Variants in CCNT1 observed in about 807,000 individuals in gnomAD.
CCNT1 encodes cyclin T1.
Under a neutral mutation model 67.3 loss-of-function variants are expected in CCNT1, and 18 were observed. The ratio of observed to expected loss-of-function variants is 0.27; its 90% CI spans 0.18 to 0.40. The LOEUF is 0.40. CCNT1 is among the 10% of genes least tolerant of loss of function. CCNT1 has a pLI of 1.00. For missense variants in CCNT1, 744 were observed against 884.9 expected (o/e 0.84, Z 2.02); for synonymous variants, 333 against 310.3 (o/e 1.07, Z -0.77).
At chr12:48,704,424 A>T (rs1003279745) in intron 3 of CCNT1, among the ~76,000 whole-genome samples, 32 of 152,156 alleles carry the variant, frequency 2.1e-4, no homozygotes, top group Admixed American at 7.2e-4. Context: ...CATGCAAGGG[A>T]TCTAATTTGC....
In CCNT1 at chr12:48,692,871, T is replaced by C. The variant is rs2137220740; in HGVS notation, c.*162A>G. The C allele has an allele frequency of 5.1e-6, 3 of 586,026 alleles. No homozygotes were observed. Among genetic ancestry groups the C allele is most frequent in the East Asian group, 5.6e-5 (2 of 36,000 alleles). 36.3% of individuals were successfully genotyped at this position (586,026 alleles called of 1,614,324 possible). On this transcript the variant is annotated 3_prime_UTR_variant, in exon 9 of 9. Transcript: ENST00000261900. Reference sequence around the variant, plus strand: ...TTAAATGCATGAGACAGCAGATATATAGCCAAGGCCTTCTACCACCCTCCT... The same window carrying C: ...TTAAATGCATGAGACAGCAGATATACAGCCAAGGCCTTCTACCACCCTCCT...
Position 48,714,392 on chromosome 12 carries a change from A to G in CCNT1, c.243+51T>C, listed in dbSNP as rs752021539. The G allele has an allele frequency of 5.4e-6, 6 of 1,108,570 alleles. No individual in the cohort carries two copies. The Admixed American group carries it at 1.0e-4, about 19-fold the overall frequency. 68.7% of individuals were successfully genotyped at this position (1,108,570 alleles called of 1,614,324 possible). ...AAGACCAACCACAAATGGAATAGGT[A>G]GGTGGAATCAATCACAAAAGGATTA... On this transcript the variant is annotated intron_variant, in intron 2 of 8. Coordinates refer to ENST00000261900, the MANE Select transcript of CCNT1 (RefSeq NM_001240.4).
chr12:48,701,175 A>C, intron 3 of CCNT1, 102 bp from the exon 4 acceptor site: 4 of 491,926 alleles, frequency 8.1e-6, no homozygotes, highest in Non-Finnish European at 3.8e-6. Context: ...AATAAAAGGC[A>C]TGAGTGGAGT....
chr12:48,698,065 A>C (rs1940205975), intron 6 of CCNT1, 73 bp downstream of exon 6: 3 of 931,376 alleles, frequency 3.2e-6, no homozygotes, highest in Non-Finnish European at 3.3e-6. Context: ...AGAATTATCT[A>C]TAGCACACTG....
In CCNT1 at chr12:48,688,993, G is replaced by C. The variant is rs1432319618; in HGVS notation, c.*4040C>G. The C allele has an allele frequency of 6.6e-6, 1 of 152,108 alleles. No individual in the cohort carries two copies. The highest frequency in any genetic ancestry group is 1.9e-4 in the East Asian group (1 of 5,190). The allele number at this position is 152,108 out of a possible 1,614,324, so 9.4% of individuals were successfully genotyped here. On this transcript the variant is annotated 3_prime_UTR_variant, in exon 9 of 9. Transcript: ENST00000261900. The stretch of plus-strand genomic sequence containing the variant: ...TCCACTTTGTAACCAATTATATTAT[G>C]ATCAACAACTAATCAGTTAGTTCCT...
chr12:48,704,831 C>T (rs972079997), intron 3 of CCNT1, among the ~76,000 whole-genome samples: 1 of 152,104 alleles, frequency 6.6e-6, no homozygotes, highest in Non-Finnish European at 1.5e-5. Context: ...ATGCTCAGGG[C>T]TCCCACTGAT....
chr12:48,697,526 A>C lies in CCNT1; in HGVS notation c.542+612T>G, dbSNP rs963679313. Among the ~76,000 whole-genome samples the C allele has an allele frequency of 3.9e-4, 45 of 116,844 alleles. No individual in the cohort carries two copies. In the East Asian group the frequency reaches 0.014, roughly 37 times the overall value. 76.7% of individuals were successfully genotyped at this position (116,844 alleles called of 152,430 possible). On this transcript the variant is annotated intron_variant, in intron 6 of 8. Transcript: ENST00000261900. ...AGACAGAGTGAGACTCTGTCTTAAA[A>C]AAAAAAAAATATATATATATATATA...
chr12:48,705,850 T>C lies in CCNT1; in HGVS notation c.290A>G (p.Gln97Arg). 6.2e-7 allele frequency: 1 copy of C among 1,613,942 alleles called. No individual in the cohort carries two copies. The highest frequency in any genetic ancestry group is 8.5e-7 in the Non-Finnish European group (1 of 1,179,904). ...ALFLAAKVEE[Q>R]PKKLEHVIKV... The stretch of plus-strand genomic sequence containing the variant: ...GATGACATGTTCCAATTTTTTGGGC[T>C]GCTCCTCCACTTTAGCTGCTAGAAA... Residue 97 changes from glutamine to arginine, a missense_variant, in exon 3 of 9, where the codon CAG becomes CGG. Around this residue, in one of 3 missense-constraint regions of CCNT1, gnomAD observed 142 missense variants for 277.0 expected, o/e 0.51. Transcript: ENST00000261900.
At position 48,692,995 on chromosome 12, in the gene CCNT1, T is replaced by C. The variant is rs770501985; in HGVS notation, c.*38A>G. On this transcript the variant is annotated 3_prime_UTR_variant, in exon 9 of 9. Transcript: ENST00000261900. Reference sequence around the variant, plus strand: ...AAAAAAAAAGAAAAATTATGTGTTTTTTTAAAGAAGTTTTTTTCTCCTCTT... The same window carrying C: ...AAAAAAAAAGAAAAATTATGTGTTTCTTTAAAGAAGTTTTTTTCTCCTCTT... 7.3e-7 allele frequency: 1 copy of C among 1,365,808 alleles called. No individual in the cohort carries two copies. The highest frequency in any genetic ancestry group is 9.9e-7 in the Non-Finnish European group (1 of 1,012,464). The allele number at this position is 1,365,808 out of a possible 1,614,324, so 84.6% of individuals were successfully genotyped here. A position where few individuals can be genotyped will look rare whatever the true frequency, so the allele number is the denominator to read the frequency against.
In CCNT1 at chr12:48,691,574, T is replaced by C. The variant is rs1313610258; in HGVS notation, c.*1459A>G. On this transcript the variant is annotated 3_prime_UTR_variant, in exon 9 of 9. Transcript: ENST00000261900. The stretch of plus-strand genomic sequence containing the variant: ...ATTTATTAAAAATGTTCACTCCTAA[T>C]ATCTGGGATAATCAAGCCTCCATAA... 1 of 152,244 alleles carries C rather than the reference T, an allele frequency of 6.6e-6. No individual in the cohort carries two copies. The highest frequency in any genetic ancestry group is 1.5e-5 in the Non-Finnish European group (1 of 68,046). The allele number at this position is 152,244 out of a possible 1,614,324, so 9.4% of individuals were successfully genotyped here. A position where few individuals can be genotyped will look rare whatever the true frequency, so the allele number is the denominator to read the frequency against.
chr12:48,695,621 G>A, intron 8 of CCNT1, 138 bp downstream of exon 8: 1 of 630,294 alleles, frequency 1.6e-6, no homozygotes, highest in South Asian at 2.0e-5. Context: ...TCCAAGGTAT[G>A]AAGTAGAAGT....
Position 48,696,119 on chromosome 12 carries a change from C to A in CCNT1, c.586G>T (p.Val196Leu). 1 of 1,613,694 alleles carries A rather than the reference C, an allele frequency of 6.2e-7. No individual in the cohort carries two copies. The highest frequency in any genetic ancestry group is 8.5e-7 in the Non-Finnish European group (1 of 1,179,876). ...GCCAGGTGAATGCAGACACAGGCCA[C>A]CACAGGAGGTGTGTACTGCAGGCTA... ...TFSLQYTPPV[V>L]ACVCIHLACK... Residue 196 changes from valine to leucine, a missense_variant, in exon 7 of 9, where the codon GTG becomes TTG. Transcript: ENST00000261900.
intron 4 of CCNT1, among the ~76,000 whole-genome samples, chr12:48,700,519 T>C (rs1044244589): frequency 6.6e-6 from 1 of 152,068 alleles, no homozygotes. Context: ...AATCTGTATT[T>C]TCATATTTTC....
In CCNT1 at chr12:48,694,324, G is replaced by A; in HGVS notation, c.890C>T (p.Ala297Val). ...AGAAGTTGACATGCTCATTAAACCT[G>A]CAATGGTTGTGTCTGAAGAGCTCTG... Reference protein sequence around the residue: ...ISQSSSDTTIAGLMSMSTSTT... With the variant: ...ISQSSSDTTIVGLMSMSTSTT... The change falls in exon 9 of 9, where the codon GCA becomes GTA. Residue 297 changes from alanine to valine, a missense_variant. Coordinates refer to ENST00000261900, the MANE Select transcript of CCNT1 (RefSeq NM_001240.4). The A allele has an allele frequency of 6.2e-7, 1 of 1,614,128 alleles. No homozygotes were observed. Among genetic ancestry groups the A allele is most frequent in the Non-Finnish European group, 8.5e-7 (1 of 1,179,970 alleles).
At chr12:48,710,226 A>G (rs545771352) in intron 2 of CCNT1, among the ~76,000 whole-genome samples, 2 of 152,250 alleles carry the variant, frequency 1.3e-5, no homozygotes, top group East Asian at 3.9e-4. Context: ...ACACACACAC[A>G]CATACAAAAA....
At position 48,688,809 on chromosome 12, in the gene CCNT1, A is replaced by AT. The variant is rs1940027382; in HGVS notation, c.*4223_*4224insA. The AT allele has an allele frequency of 7.3e-6, 1 of 136,316 alleles. No individual in the cohort carries two copies. The highest frequency in any genetic ancestry group is 8.2e-5 in the Admixed American group (1 of 12,162). The allele number at this position is 136,316 out of a possible 1,614,324, so 8.4% of individuals were successfully genotyped here. A position where few individuals can be genotyped will look rare whatever the true frequency, so the allele number is the denominator to read the frequency against. ...GAGTGACAGATTGGTAAAGTGTTTT[A>AT]CTTTTTTTTTTCTTTTCGCTCTTTG... On this transcript the variant is annotated 3_prime_UTR_variant, in exon 9 of 9. Transcript: ENST00000261900.
Position 48,689,150 on chromosome 12 carries a change from TC to T in CCNT1, c.*3882del, listed in dbSNP as rs981766328. The stretch of plus-strand genomic sequence containing the variant: ...AAACCCAAGAGTCCTTCTCTTTTTT[TC>T]ATTAGCCATGAATAAACACTCACAA... On this transcript the variant is annotated 3_prime_UTR_variant, in exon 9 of 9. Transcript: ENST00000261900. The T allele has an allele frequency of 3.3e-5, 5 of 152,232 alleles. No individual in the cohort carries two copies. The highest frequency in any genetic ancestry group is 1.2e-4 in the African/African-American group (5 of 41,458). The allele number at this position is 152,232 out of a possible 1,614,324, so 9.4% of individuals were successfully genotyped here.
chr12:48,714,364 G>T, intron 2 of CCNT1, 79 bp downstream of exon 2: 2 of 880,334 alleles, frequency 2.3e-6, no homozygotes, highest in Non-Finnish European at 1.9e-6. Flanking sequence ...CAGTTCAGTA[G>T]CAAAGACCAA....
chr12:48,698,189 G>GAAAAA lies in CCNT1; in HGVS notation c.497-11_497-7dup. 2.5e-5 allele frequency: 28 copies of GAAAAA among 1,099,886 alleles called. No homozygotes were observed. Among genetic ancestry groups the GAAAAA allele is most frequent in the South Asian group, 1.4e-4 (8 of 58,648 alleles). 68.1% of individuals were successfully genotyped at this position (1,099,886 alleles called of 1,614,324 possible). ...CTGTGCTAAGTCCTTGCTTGCTAAA[G>GAAAAA]AAAAAAAAAAAAAGTCAGGGGTGGG... On this transcript the variant is annotated splice_polypyrimidine_tract_variant and splice_region_variant and intron_variant, in intron 5 of 8. Coordinates refer to ENST00000261900, the MANE Select transcript of CCNT1 (RefSeq NM_001240.4).
Sources: allele counts gnomAD v4.1 joint callset (sites outside exome capture counted in the v4.1 genomes callset), GRCh38; gene constraint gnomAD v4.1.1; regional missense constraint gnomAD v4.1.1; transcripts MANE v1.5; gene names NCBI Gene and HGNC (gene_info 2026-07-23, HGNC 2026-07-21).